TTC27: variants seen among roughly 807,000 people sequenced by gnomAD.
The protein encoded by TTC27 is tetratricopeptide repeat protein 27.
Under a neutral mutation model 115.9 loss-of-function variants are expected in TTC27, and 79 were observed. The observed-to-expected ratio is 0.68, with a 90% confidence interval of 0.57 to 0.82. TTC27 has a LOEUF of 0.82. Among genes scored for constraint, TTC27 ranks in the 40% least tolerant of loss-of-function variants. The pLI is 0.00. For missense variants in TTC27, 1,054 were observed against 993.1 expected (o/e 1.06, Z -0.82); for synonymous variants, 401 against 356.0 (o/e 1.13, Z -1.42).
Position 32,812,528 on chromosome 2 carries a change from T to C in TTC27, c.2221T>C (p.Tyr741His), listed in dbSNP as rs750808431. 25 of 1,613,842 alleles carry C rather than the reference T, an allele frequency of 1.5e-5. No homozygotes were observed. The South Asian group carries it at 2.2e-4, about 14-fold the overall frequency. Residue 741 changes from tyrosine (Y) to histidine (H), a missense_variant, in exon 18 of 20, where the codon TAC (tyrosine) becomes CAC (histidine). Transcript: ENST00000317907. ...EKAFQCLSKAYKCDTQSNCWE... is the reference protein window; with the variant it reads ...EKAFQCLSKAHKCDTQSNCWE... ...GGCATTCCAGTGCCTCTCAAAGGCA[T>C]ACAAGTGTGACACCCAGTCCAATTG...
chr2:32,788,832 A>G (rs986970924), intron 16 of TTC27, among the ~76,000 whole-genome samples: 1 of 152,208 alleles, frequency 6.6e-6, no homozygotes, highest in Non-Finnish European at 1.5e-5. Flanking sequence ...ACATGTACAC[A>G]TGAAAGGAAG....
chr2:32,803,554 G>T (rs1055205669), intron 16 of TTC27, among the ~76,000 whole-genome samples: 1 of 152,136 alleles, frequency 6.6e-6, no homozygotes, highest in Non-Finnish European at 1.5e-5. Context: ...TTTCTCACAT[G>T]TTTTACTGTA....
chr2:32,705,963 C>CT (rs1314389719), intron 10 of TTC27, among the ~76,000 whole-genome samples: 2 of 149,820 alleles, frequency 1.3e-5, no homozygotes, highest in Non-Finnish European at 3.0e-5. Context: ...TAAGGAAGAG[C>CT]TTTCTCTTCT....
intron 10 of TTC27, among the ~76,000 whole-genome samples, chr2:32,706,629 A>G (rs769808921): frequency 6.6e-6 from 1 of 151,686 alleles, no homozygotes; most frequent in African/African-American, 2.4e-5. Flanking sequence ...CAGTGGTGCA[A>G]TCTTGGCTCA....
At chr2:32,714,120 T>C (rs1406444933) in intron 10 of TTC27, among the ~76,000 whole-genome samples, 1 of 151,824 alleles carries the variant, frequency 6.6e-6, no homozygotes, top group African/African-American at 2.4e-5. Flanking sequence ...TAGGGTTGCG[T>C]AGTATTCCAT....
At chr2:32,790,250 A>C (rs1223594791) in intron 16 of TTC27, among the ~76,000 whole-genome samples, 3 of 151,622 alleles carry the variant, frequency 2.0e-5, no homozygotes, top group Non-Finnish European at 4.4e-5. Context: ...TATTTTATGG[A>C]TGTGGATTAT....
intron 10 of TTC27, among the ~76,000 whole-genome samples, chr2:32,728,151 C>T (rs571155992): frequency 4.0e-5 from 6 of 151,256 alleles, no homozygotes; most frequent in African/African-American, 1.5e-4. Context: ...CACCATTCTC[C>T]TGCCTCAGCC....
rs140757990 is a variant in TTC27 at position 32,741,094 on chromosome 2, G to C, written c.1452+4278G>C. Among the ~76,000 whole-genome samples the C allele has an allele frequency of 8.2e-3, 1,252 of 152,354 alleles. 17 individuals are homozygous for C. The highest frequency in any genetic ancestry group is 0.027 in the African/African-American group (1,129 of 41,570). Reference sequence around the variant, plus strand: ...ATAGCTTGAATTAAAGTACTTGTAAGTTCTTGATTTTGTAGCGCCGTCTCA... The same window carrying C: ...ATAGCTTGAATTAAAGTACTTGTAACTTCTTGATTTTGTAGCGCCGTCTCA... On this transcript the variant is annotated intron_variant, in intron 12 of 19. Coordinates refer to ENST00000317907, the MANE Select transcript of TTC27 (RefSeq NM_017735.5).
chr2:32,630,820 TC>T, intron 2 of TTC27, 120 bp downstream of exon 2: 1 of 870,272 alleles, frequency 1.1e-6, no homozygotes, highest in South Asian at 2.2e-5. Context: ...TACTCAAGAC[TC>T]ATGGTGTACC....
At chr2:32,658,751 C>T (rs1665426454) in intron 5 of TTC27, among the ~76,000 whole-genome samples, 2 of 152,204 alleles carry the variant, frequency 1.3e-5, no homozygotes, top group African/African-American at 4.8e-5. Flanking sequence ...ACCCTTGTTA[C>T]TTGTTACTTG....
intron 16 of TTC27, among the ~76,000 whole-genome samples, chr2:32,809,657 G>A (rs1302603707): frequency 1.3e-5 from 2 of 152,224 alleles, no homozygotes; most frequent in South Asian, 2.1e-4. Context: ...CAAAGGAGTG[G>A]AAGATTGCGG....
Position 32,758,494 on chromosome 2 carries a change from G to T in TTC27, c.1655G>T (p.Arg552Leu). 6.2e-7 allele frequency: 1 copy of T among 1,614,090 alleles called. No individual in the cohort carries two copies. The highest frequency in any genetic ancestry group is 8.5e-7 in the Non-Finnish European group (1 of 1,179,980). The change falls in exon 13 of 20, where the codon CGC (arginine) becomes CTC (leucine). Residue 552 changes from arginine to leucine, a missense_variant. By Grantham distance (102) the Arg-to-Leu change is moderately radical. Transcript: ENST00000317907. ...CAAGAGTGTGTAGAGTGCTTCGAACGCTCGGTTAAGATTAATCCCATGCAG... is the reference window on the plus strand; with the variant it reads ...CAAGAGTGTGTAGAGTGCTTCGAACTCTCGGTTAAGATTAATCCCATGCAG... Reference protein sequence around the residue: ...EFQECVECFERSVKINPMQLG... With the variant: ...EFQECVECFELSVKINPMQLG...
intron 5 of TTC27, among the ~76,000 whole-genome samples, chr2:32,658,885 T>G (rs928857218): frequency 3.3e-5 from 5 of 152,238 alleles, no homozygotes; most frequent in African/African-American, 1.2e-4. Flanking sequence ...TAAATTAGAA[T>G]CTGACTGCCA....
intron 10 of TTC27, among the ~76,000 whole-genome samples, chr2:32,720,491 T>G (rs373688073): frequency 6.6e-6 from 1 of 152,114 alleles, no homozygotes; most frequent in Admixed American, 6.6e-5. Flanking sequence ...CAGTCCAAAT[T>G]TTTAGTGTAG....
Position 32,633,732 on chromosome 2 carries a change from T to A in TTC27, c.267-144T>A. 3 of 920,006 alleles carry A rather than the reference T, an allele frequency of 3.3e-6. No homozygotes were observed. In the African/African-American group the frequency reaches 5.2e-5, roughly 16 times the overall value. The allele number at this position is 920,006 out of a possible 1,614,324, so 57.0% of individuals were successfully genotyped here. On this transcript the variant is annotated intron_variant, in intron 2 of 19. Coordinates refer to ENST00000317907, the MANE Select transcript of TTC27 (RefSeq NM_017735.5). ...CTAAATTGTTTTAAGTTTTAGAAATTTTTTTTTTTGGTAATACTCTAGGAT... is the reference window on the plus strand; with the variant it reads ...CTAAATTGTTTTAAGTTTTAGAAATATTTTTTTTTGGTAATACTCTAGGAT...
At chr2:32,644,321 AG>A (rs1297065137) in intron 4 of TTC27, among the ~76,000 whole-genome samples, 2 of 151,592 alleles carry the variant, frequency 1.3e-5, no homozygotes, top group African/African-American at 4.8e-5. Context: ...ACCGCACTCC[AG>A]CCGAGGCGAC....
intron 3 of TTC27, among the ~76,000 whole-genome samples, chr2:32,638,098 G>A (rs967806313): frequency 1.5e-4 from 23 of 152,302 alleles, no homozygotes; most frequent in African/African-American, 5.3e-4. Flanking sequence ...GCTGGTTTGG[G>A]AATTGATTTG....
intron 12 of TTC27, among the ~76,000 whole-genome samples, chr2:32,749,413 A>G (rs540754665): frequency 1.3e-5 from 2 of 152,326 alleles, no homozygotes; most frequent in East Asian, 3.9e-4. Context: ...TTGGTATTCA[A>G]GACTACTACA....
At chr2:32,750,629 G>A (rs1375497285) in intron 12 of TTC27, among the ~76,000 whole-genome samples, 1 of 152,196 alleles carries the variant, frequency 6.6e-6, no homozygotes, top group Non-Finnish European at 1.5e-5. Flanking sequence ...TTATTCCATA[G>A]ATTGTGTTTC....
Sources: allele counts gnomAD v4.1 joint callset (sites outside exome capture counted in the v4.1 genomes callset), GRCh38; gene constraint gnomAD v4.1.1; transcripts MANE v1.5; gene names NCBI Gene and HGNC (gene_info 2026-07-23, HGNC 2026-07-21).